PRRG2: variants seen among roughly 807,000 people sequenced by gnomAD.
The protein encoded by PRRG2 is transmembrane gamma-carboxyglutamic acid protein 2.
In PRRG2, 23 loss-of-function variants were observed where a neutral mutation model predicts 27.1. That is an observed-to-expected ratio of 0.85 (90% CI 0.61 to 1.20). The LOEUF (loss-of-function observed/expected upper bound fraction) is 1.20. Ranked by LOEUF, PRRG2 falls within the 50% of genes most tolerant of loss-of-function variation. PRRG2 has a pLI of 0.00. For synonymous variants in PRRG2, 104 were observed against 103.4 expected, an observed-to-expected ratio of 1.01 and a Z score of -0.03; for missense variants, 276 against 254.8, an observed-to-expected ratio of 1.08 and a Z score of -0.57.
chr19:49,583,527 T>A lies in PRRG2; in HGVS notation c.86-15T>A. The A allele has an allele frequency of 1.9e-6, 3 of 1,613,294 alleles. No homozygotes were observed. The South Asian group carries it at 3.3e-5, about 18-fold the overall frequency. ...GGACCCTCCATTTTTCTGTCCCTCATGTCTTTGGGTCCAGAAGTCTTCCTG... is the reference window on the plus strand; with the variant it reads ...GGACCCTCCATTTTTCTGTCCCTCAAGTCTTTGGGTCCAGAAGTCTTCCTG... On this transcript the variant is annotated splice_polypyrimidine_tract_variant and intron_variant, in intron 2 of 6. Transcript: ENST00000246794.
chr19:49,583,689 G>A lies in PRRG2; in HGVS notation c.233G>A (p.Arg78Lys), dbSNP rs199536683. ...GAGAGGTGTTCCTGGGAAGAGGCCA[G>A]GGAGTATTTTGAGGACAACACTCTC... is the stretch of plus-strand genomic sequence containing the variant. ...LEERCSWEEAREYFEDNTLTE... is the reference protein window; with the variant it reads ...LEERCSWEEAKEYFEDNTLTE... Residue 78 changes from arginine (R) to lysine (K), a missense_variant, in exon 3 of 7, where the codon AGG (arginine) becomes AAG (lysine). Arg to Lys is a conservative substitution (Grantham distance 26, BLOSUM62 2). Transcript: ENST00000246794. 1.2e-6 allele frequency: 2 copies of A among 1,614,114 alleles called. No individual in the cohort carries two copies. Among genetic ancestry groups the A allele is most frequent in the African/African-American group, 1.3e-5 (1 of 75,054 alleles).
chr19:49,583,227 G>A lies in PRRG2; in HGVS notation c.8G>A (p.Gly3Asp). The A allele has an allele frequency of 6.2e-7, 1 of 1,613,876 alleles. No individual in the cohort carries two copies. Among genetic ancestry groups the A allele is most frequent in the Non-Finnish European group, 8.5e-7 (1 of 1,179,900 alleles). MR[G>D]HPSLLLLYMA... ...TCTAGGTGTCTGGAAAATATGAGGG[G>A]CCACCCCTCTCTGCTGCTGCTATAT... The change falls in exon 2 of 7, where the codon GGC (glycine) becomes GAC (aspartate). Residue 3 changes from glycine (G) to aspartate (D), a missense_variant. Physicochemically the swap from Gly to Asp is moderately conservative, Grantham distance 94. Coordinates refer to ENST00000246794, the MANE Select transcript of PRRG2 (RefSeq NM_000951.3).
chr19:49,590,176 C>CGGGGGCG, intron 6 of PRRG2, 124 bp downstream of exon 6: 2 of 1,304,302 alleles, frequency 1.5e-6, no homozygotes, highest in Non-Finnish European at 2.1e-6. Context: ...GCTTGGAGTG[C>CGGGGGCG]GGGGGCGGGG....
intron 6 of PRRG2, 23 bp from the exon 7 acceptor site, chr19:49,590,348 C>G (rs770071094): frequency 1.9e-6 from 3 of 1,613,982 alleles, no homozygotes; most frequent in Non-Finnish European, 2.5e-6. Context: ...CTTTGACTCC[C>G]TAGTGTGCCT....
chr19:49,589,673 G>C (rs913649828), intron 5 of PRRG2, among the ~76,000 whole-genome samples: 1 of 151,846 alleles, frequency 6.6e-6, no homozygotes, highest in African/African-American at 2.4e-5. Flanking sequence ...TGTCTCTGTG[G>C]TTGCTGATTT....
chr19:49,588,924 T>G (rs1307862915), intron 5 of PRRG2, among the ~76,000 whole-genome samples: 1 of 151,972 alleles, frequency 6.6e-6, no homozygotes, highest in African/African-American at 2.4e-5. Context: ...ACTCTGGATA[T>G]TGTATCTGGT....
intron 4 of PRRG2, among the ~76,000 whole-genome samples, chr19:49,587,329 T>G (rs1192732686): frequency 6.8e-6 from 1 of 148,062 alleles, no homozygotes; most frequent in Non-Finnish European, 1.5e-5. Context: ...ACATCCTTTT[T>G]TTTTTTTTTT....
intron 1 of PRRG2, among the ~76,000 whole-genome samples, chr19:49,582,684 A>G (rs1365622860): frequency 1.3e-5 from 2 of 151,908 alleles, no homozygotes; most frequent in Admixed American, 1.3e-4. Context: ...TGACTAACAC[A>G]GTGAAACCCC....
chr19:49,582,527 G>T (rs1211413251), intron 1 of PRRG2, among the ~76,000 whole-genome samples: 1 of 152,030 alleles, frequency 6.6e-6, no homozygotes, highest in African/African-American at 2.4e-5. Flanking sequence ...AGCACTTTGG[G>T]AGGCTGAGGC....
Position 49,588,699 on chromosome 19 carries a change from A to G in PRRG2, c.437+67A>G. On this transcript the variant is annotated intron_variant, in intron 5 of 6. Coordinates refer to ENST00000246794, the MANE Select transcript of PRRG2 (RefSeq NM_000951.3). ...GGGGAGGGAGGAAGCATTGACCTAAAGGGATGTGCTAAGGATTGGGGGCAG... is the reference window on the plus strand; with the variant it reads ...GGGGAGGGAGGAAGCATTGACCTAAGGGGATGTGCTAAGGATTGGGGGCAG... 4 of 1,470,094 alleles carry G rather than the reference A, an allele frequency of 2.7e-6. No homozygotes were observed. In the South Asian group the frequency reaches 4.1e-5, roughly 15 times the overall value. 91.1% of individuals were successfully genotyped at this position (1,470,094 alleles called of 1,614,324 possible).
At chr19:49,586,273 G>T (rs187238136) in intron 4 of PRRG2, among the ~76,000 whole-genome samples, 11 of 151,588 alleles carry the variant, frequency 7.3e-5, no homozygotes, top group Non-Finnish European at 1.2e-4. Context: ...GTAGAGATGG[G>T]GGTCTCACTG....
chr19:49,588,594 C>T lies in PRRG2; in HGVS notation c.399C>T (p.Arg133=), dbSNP rs768079139. The change falls in exon 5 of 7, where the codon CGC becomes CGT. Residue 133 remains arginine (R), a synonymous_variant. Coordinates refer to ENST00000246794, the MANE Select transcript of PRRG2 (RefSeq NM_000951.3). ...GCCTGGGAGCCTTTTGGTATCTGCGCTGGCGACAGCACCGAGGCCAGCAGC... is the reference window on the plus strand; with the variant it reads ...GCCTGGGAGCCTTTTGGTATCTGCGTTGGCGACAGCACCGAGGCCAGCAGC... ...LAGLGAFWYL[R]WRQHRGQQPC... The T allele has an allele frequency of 1.3e-5, 20 of 1,550,044 alleles. No individual in the cohort carries two copies. The highest frequency in any genetic ancestry group is 1.7e-5 in the Non-Finnish European group (20 of 1,148,130).
In PRRG2 at chr19:49,583,248, T is replaced by A; in HGVS notation, c.29T>A (p.Leu10Gln). Residue 10 changes from leucine to glutamine, a missense_variant, in exon 2 of 7, where the codon CTA becomes CAA. Leu to Gln is a moderately radical substitution (Grantham distance 113). Transcript: ENST00000246794. ...AGGGGCCACCCCTCTCTGCTGCTGC[T>A]ATATATGGCATTAACCACCTGCCTG... is the stretch of plus-strand genomic sequence containing the variant. MRGHPSLLL[L>Q]YMALTTCLDT... is the part of the protein sequence containing the mutation. 1 of 1,614,170 alleles carries A rather than the reference T, an allele frequency of 6.2e-7. No homozygotes were observed. Among genetic ancestry groups the A allele is most frequent in the Non-Finnish European group, 8.5e-7 (1 of 1,180,018 alleles).
chr19:49,586,072 C>CAA (rs1171500009), intron 4 of PRRG2, among the ~76,000 whole-genome samples: 154 of 56,844 alleles, frequency 2.7e-3, no homozygotes, highest in African/African-American at 3.7e-3. Context: ...AGAGTGTCTC[C>CAA]AAAAAAAAAA....
At chr19:49,583,165 A>G in intron 1 of PRRG2, 42 bp from the exon 2 acceptor site, 1 of 1,534,930 alleles carries the variant, frequency 6.5e-7, no homozygotes, top group South Asian at 1.1e-5. Flanking sequence ...CTCATTACCC[A>G]GGGACTAAGG....
chr19:49,588,483 C>G lies in PRRG2; in HGVS notation c.302-14C>G, dbSNP rs771171853. ...TCCCCGAGACAGTGTCTCCCCTTCC[C>G]TACTTTCCTGCAGGGCGTGGACGAG... is the stretch of plus-strand genomic sequence containing the variant. On this transcript the variant is annotated splice_polypyrimidine_tract_variant and intron_variant, in intron 4 of 6. Transcript: ENST00000246794. 1 of 1,586,150 alleles carries G rather than the reference C, an allele frequency of 6.3e-7. No individual in the cohort carries two copies. The highest frequency in any genetic ancestry group is 8.6e-7 in the Non-Finnish European group (1 of 1,167,006).
chr19:49,583,355 T>A, intron 2 of PRRG2, 51 bp downstream of exon 2: 1 of 1,584,152 alleles, frequency 6.3e-7, no homozygotes, highest in South Asian at 1.1e-5. Flanking sequence ...GGCCTCCCCC[T>A]GACTCAGGAA....
rs144214890 is a variant in PRRG2 at position 49,583,148 on chromosome 19, G to A, written c.-13-59G>A. On this transcript the variant is annotated intron_variant, in intron 1 of 6. Transcript: ENST00000246794. ...TGGACCACAGAGGCCAGTCAGAGAGGCACTGCCTCATTACCCAGGGACTAA... is the reference window on the plus strand; with the variant it reads ...TGGACCACAGAGGCCAGTCAGAGAGACACTGCCTCATTACCCAGGGACTAA... The A allele has an allele frequency of 1.8e-3, 2,527 of 1,410,860 alleles. 11 individuals carry two copies. The highest frequency in any genetic ancestry group is 0.012 in the African/African-American group (867 of 70,888). 87.4% of individuals were successfully genotyped at this position (1,410,860 alleles called of 1,614,324 possible). A position where few individuals can be genotyped will look rare whatever the true frequency, so the allele number is the denominator to read the frequency against.
At chr19:49,583,803 G>A (rs1281167077) in intron 3 of PRRG2, 86 bp downstream of exon 3, 5 of 1,606,224 alleles carry the variant, frequency 3.1e-6, no homozygotes, top group African/African-American at 1.3e-5. Flanking sequence ...CTGGCCTTCA[G>A]CTCCCTCCTC....
Sources: gnomAD v4.1 joint callset for allele counts (sites outside exome capture counted in the v4.1 genomes callset) on GRCh38, gnomAD v4.1.1 for gene constraint, MANE v1.5 for transcripts, NCBI Gene and HGNC (gene_info 2026-07-23, HGNC 2026-07-21) for gene names.